ARHGAP11B: variants seen among roughly 807,000 people sequenced by gnomAD.
The protein encoded by ARHGAP11B is Rho GTPase activating protein 11B.
In ARHGAP11B, 14 loss-of-function variants were observed where a neutral mutation model predicts 27.6. That is an observed-to-expected ratio of 0.51 (90% CI 0.34 to 0.79). ARHGAP11B has a LOEUF of 0.79. Among genes scored for constraint, ARHGAP11B ranks in the 30% least tolerant of loss-of-function variants. The probability of loss-of-function intolerance (pLI) is 0.02; values close to 1 mark genes in which losing one functional copy is unlikely to be tolerated. For synonymous variants in ARHGAP11B, 82 were observed against 114.1 expected (o/e 0.72, Z 1.80); for missense variants, 245 against 320.1 (o/e 0.77, Z 1.79).
intron 4 of ARHGAP11B, 82 bp downstream of exon 4, chr15:30,634,505 A>G: frequency 6.8e-7 from 1 of 1,460,650 alleles, no homozygotes; most frequent in South Asian, 1.3e-5. Flanking sequence ...GTACAATTTC[A>G]TTTGGAATGG....
At chr15:30,632,623 TATTC>T (rs2060253255) in intron 2 of ARHGAP11B, among the ~76,000 whole-genome samples, 1 of 151,190 alleles carries the variant, frequency 6.6e-6, no homozygotes, top group African/African-American at 2.4e-5. Context: ...TGGTAGCCGA[TATTC>T]ATTCTAATTT....
intron 5 of ARHGAP11B, 112 bp downstream of exon 5, chr15:30,635,300 C>A: frequency 1.3e-6 from 2 of 1,506,968 alleles, no homozygotes; most frequent in Non-Finnish European, 1.8e-6. Flanking sequence ...ATCTCTGTTT[C>A]TTTCAAAGGA....
chr15:30,644,383 G>C (rs1188818813), intron 7 of ARHGAP11B, among the ~76,000 whole-genome samples: 6 of 152,046 alleles, frequency 3.9e-5, no homozygotes, highest in Non-Finnish European at 8.8e-5. Context: ...TATCTAAAGA[G>C]TAAGCCAAGA....
chr15:30,647,686 T>C, exon 10 of ARHGAP11B: 23 of 212,682 alleles, frequency 1.1e-4, no homozygotes, highest in Non-Finnish European at 2.3e-4. Flanking sequence ...GCTAATCCAG[T>C]ATTTGCGGAT....
intron 1 of ARHGAP11B, among the ~76,000 whole-genome samples, chr15:30,629,552 C>CA (rs1361983682): frequency 6.6e-6 from 1 of 151,614 alleles, no homozygotes; most frequent in Non-Finnish European, 1.5e-5. Context: ...GACTCCGTCT[C>CA]AAAAAAAATA....
intron 1 of ARHGAP11B, 131 bp from the exon 2 acceptor site, chr15:30,630,572 G>T: frequency 3.3e-6 from 5 of 1,498,412 alleles, no homozygotes; most frequent in Non-Finnish European, 4.5e-6. Flanking sequence ...GATTATTTTT[G>T]TCTTGATTGA....
At chr15:30,640,887 A>G (rs1192492341) in intron 7 of ARHGAP11B, among the ~76,000 whole-genome samples, 2 of 151,802 alleles carry the variant, frequency 1.3e-5, no homozygotes, top group Admixed American at 6.6e-5. Flanking sequence ...AACTTTTTTA[A>G]GTAACATAGT....
At chr15:30,638,918 T>C (rs2060298376) in intron 7 of ARHGAP11B, 108 bp downstream of exon 7, 1 of 618,392 alleles carries the variant, frequency 1.6e-6, no homozygotes, top group Non-Finnish European at 2.5e-6. Context: ...TAATCAAATT[T>C]AGTTTAATCA....
At chr15:30,648,210 T>C (rs541305715) in intron 10 of ARHGAP11B, among the ~76,000 whole-genome samples, 6 of 152,066 alleles carry the variant, frequency 3.9e-5, no homozygotes, top group Non-Finnish European at 7.4e-5. Flanking sequence ...CTGTCCCTCA[T>C]GTAGCACGTA....
chr15:30,643,768 G>C (rs2648147), intron 7 of ARHGAP11B, among the ~76,000 whole-genome samples: 1 of 151,998 alleles, frequency 6.6e-6, no homozygotes, highest in Non-Finnish European at 1.5e-5. Flanking sequence ...TAAGAATACT[G>C]CAGTAAATAC....
At position 30,635,724 on chromosome 15, in the gene ARHGAP11B, C is replaced by G. The variant is rs1334227151; in HGVS notation, c.*3+91C>G. 5 of 1,280,310 alleles carry G rather than the reference C, an allele frequency of 3.9e-6. No homozygotes were observed. The African/African-American group carries it at 7.5e-5, about 19-fold the overall frequency. The allele number at this position is 1,280,310 out of a possible 1,614,324, so 79.3% of individuals were successfully genotyped here. A position where few individuals can be genotyped will look rare whatever the true frequency, so the allele number is the denominator to read the frequency against. On this transcript the variant is annotated intron_variant, in intron 6 of 10. Transcript: ENST00000428041. ...AAGAAGCATGAACTGTGGTATGTGC[C>G]TTTTTGGTGCTTAAAGCACAGCTGG...
Position 30,633,478 on chromosome 15 carries a change from T to C in ARHGAP11B, c.201-12T>C, listed in dbSNP as rs1270080241. ...ATGTATGTCTAGCCACCTGAAAAAA[T>C]CTCTCTTTCAGCTTTCTTGTCGATG... On this transcript the variant is annotated splice_polypyrimidine_tract_variant and intron_variant, in intron 2 of 10. Coordinates refer to ENST00000428041, the Ensembl canonical transcript of ARHGAP11B. The C allele has an allele frequency of 1.2e-6, 2 of 1,604,956 alleles. No homozygotes were observed. Among genetic ancestry groups the C allele is most frequent in the African/African-American group, 1.3e-5 (1 of 74,366 alleles).
chr15:30,629,096 G>C (rs533797270), intron 1 of ARHGAP11B, among the ~76,000 whole-genome samples: 2 of 151,984 alleles, frequency 1.3e-5, no homozygotes, highest in Non-Finnish European at 2.9e-5. Context: ...AATGCTTACT[G>C]TGTGTCAGAC....
At chr15:30,632,579 A>G (rs1392854868) in intron 2 of ARHGAP11B, among the ~76,000 whole-genome samples, 1 of 151,524 alleles carries the variant, frequency 6.6e-6, no homozygotes, top group Non-Finnish European at 1.5e-5. Flanking sequence ...GCTGACATTC[A>G]GCCACTGTGC....
chr15:30,634,603 C>T (rs2060267219), intron 4 of ARHGAP11B, among the ~76,000 whole-genome samples, 180 bp downstream of exon 4: 1 of 151,942 alleles, frequency 6.6e-6, no homozygotes. Context: ...TTAATATTTC[C>T]TTATCTTAAA....
intron 7 of ARHGAP11B, chr15:30,644,592 T>C (rs1249489504): frequency 8.2e-7 from 1 of 1,218,330 alleles, no homozygotes; most frequent in African/African-American, 1.5e-5. Context: ...AGGAGACATA[T>C]CAATCTCAAA....
chr15:30,641,123 A>T (rs1378719102), intron 7 of ARHGAP11B, among the ~76,000 whole-genome samples: 3 of 151,966 alleles, frequency 2.0e-5, no homozygotes, highest in African/African-American at 7.2e-5. Context: ...TGAATTTTTT[A>T]ATAAAAAAAT....
At chr15:30,632,321 T>C (rs1450757906) in intron 2 of ARHGAP11B, among the ~76,000 whole-genome samples, 1 of 143,592 alleles carries the variant, frequency 7.0e-6, no homozygotes, top group African/African-American at 2.6e-5. Flanking sequence ...GTCGGGAGGC[T>C]GAGGTGGGAG....
At chr15:30,639,520 A>G (rs1013656587) in intron 7 of ARHGAP11B, among the ~76,000 whole-genome samples, 5 of 151,806 alleles carry the variant, frequency 3.3e-5, no homozygotes, top group Non-Finnish European at 7.4e-5. Context: ...GTTTAGCTCT[A>G]AGTAATAGCT....
Sources: gnomAD v4.1 joint callset for allele counts (sites outside exome capture counted in the v4.1 genomes callset) on GRCh38, gnomAD v4.1.1 for gene constraint, MANE v1.5 for transcripts, NCBI Gene and HGNC (gene_info 2026-07-23, HGNC 2026-07-21) for gene names.